The following DAPK1 variants were observed in gnomAD, a reference collection of about 807,000 sequenced individuals.
DAPK1 encodes the protein death-associated protein kinase 1.
In DAPK1, 56 loss-of-function variants were observed where a neutral mutation model predicts 144.9. That is an observed-to-expected ratio of 0.39 (90% CI 0.31 to 0.48). The LOEUF is 0.48. Among genes scored for constraint, DAPK1 ranks in the 20% least tolerant of loss-of-function variants. DAPK1 has a pLI of 0.95. For missense variants in DAPK1, 1,454 were observed against 1,875.4 expected, an observed-to-expected ratio of 0.78 and a Z score of 4.15; for synonymous variants, 690 against 749.0, an observed-to-expected ratio of 0.92 and a Z score of 1.29.
intron 17 of DAPK1, among the ~76,000 whole-genome samples, chr9:87,653,003 G>A (rs1366999798): frequency 4.4e-5 from 6 of 137,548 alleles, no homozygotes; most frequent in Non-Finnish European, 8.0e-5. Flanking sequence ...CCCCGATCCC[G>A]GGTCCTGATT....
At chr9:87,499,228 C>A in intron 2 of DAPK1, 89 bp downstream of exon 2, 1 of 1,160,062 alleles carries the variant, frequency 8.6e-7, no homozygotes, top group Non-Finnish European at 1.3e-6. Flanking sequence ...CAGTTTGAAT[C>A]AGGCGTCTCC....
At position 87,518,093 on chromosome 9, in the gene DAPK1, G is replaced by A. The variant is rs1296394661; in HGVS notation, c.62+18954G>A. Among the ~76,000 whole-genome samples the A allele has an allele frequency of 6.0e-5, 5 of 83,108 alleles. No individual in the cohort carries two copies. The South Asian group carries it at 4.0e-3, about 67-fold the overall frequency. 54.5% of individuals were successfully genotyped at this position (83,108 alleles called of 152,430 possible). A position where few individuals can be genotyped will look rare whatever the true frequency, so the allele number is the denominator to read the frequency against. ...AGTTGTTTGCCCTGGAATATTTGCC[G>A]TTTATGTTGTTGTTTTTTTTTTTTT... On this transcript the variant is annotated intron_variant, in intron 2 of 25. Coordinates refer to ENST00000408954, the MANE Select transcript of DAPK1 (RefSeq NM_004938.4).
chr9:87,581,201 C>T (rs1462122266), intron 2 of DAPK1, among the ~76,000 whole-genome samples: 2 of 152,340 alleles, frequency 1.3e-5, no homozygotes, highest in South Asian at 4.1e-4. Context: ...ATGGACACCT[C>T]TGTTCCTTGG....
intron 2 of DAPK1, among the ~76,000 whole-genome samples, chr9:87,530,315 C>T (rs1825657460): frequency 2.0e-5 from 3 of 152,348 alleles, no homozygotes; most frequent in Admixed American, 2.0e-4. Flanking sequence ...ATCTCAAAGA[C>T]ACTGCCTAAC....
At chr9:87,537,077 C>T (rs1376352531) in intron 2 of DAPK1, among the ~76,000 whole-genome samples, 4 of 151,848 alleles carry the variant, frequency 2.6e-5, no homozygotes, top group Non-Finnish European at 4.4e-5. Context: ...AGCTCTGCCT[C>T]CTGGGTTCAA....
chr9:87,582,036 T>C (rs1345249908), intron 2 of DAPK1, among the ~76,000 whole-genome samples: 2 of 152,160 alleles, frequency 1.3e-5, no homozygotes, highest in Non-Finnish European at 2.9e-5. Flanking sequence ...CCTTCAAATA[T>C]ACCACTTAAA....
chr9:87,698,648 GC>G lies in DAPK1; in HGVS notation c.2612-3del. ...CACCCCCTGAAGCAGTTCCCTCTCT[GC>G]CCCCAGCCTTCGGTGGCAAGCTGAA... On this transcript the variant is annotated splice_polypyrimidine_tract_variant and splice_region_variant and intron_variant, in intron 22 of 25. Transcript: ENST00000408954. 3 of 1,596,888 alleles carry G rather than the reference GC, an allele frequency of 1.9e-6. No individual in the cohort carries two copies. The highest frequency in any genetic ancestry group is 1.1e-5 in the South Asian group (1 of 90,502).
chr9:87,577,438 TC>T (rs1168891115), intron 2 of DAPK1, among the ~76,000 whole-genome samples: 1 of 151,870 alleles, frequency 6.6e-6, no homozygotes, highest in Non-Finnish European at 1.5e-5. Flanking sequence ...AAAGCCAGGG[TC>T]CCCCCCAAGA....
At chr9:87,642,201 C>T (rs1830122539) in intron 10 of DAPK1, 143 bp downstream of exon 10, 2 of 542,556 alleles carry the variant, frequency 3.7e-6, no homozygotes, top group Non-Finnish European at 3.2e-6. Flanking sequence ...TGTTCTGCAC[C>T]ATTACTCTAT....
rs139614959 is a variant in DAPK1, at chr9:87,617,083, C to T, written c.284+11908C>T. Among the ~76,000 whole-genome samples the T allele has an allele frequency of 2.3e-3, 352 of 152,316 alleles. 2 individuals are homozygous for T. Among genetic ancestry groups the T allele is most frequent in the African/African-American group, 8.0e-3 (331 of 41,568 alleles). ...AGCTAAGTAGTTACAACCCAAACTT[C>T]CCGGTGTCCCCCTTCCCCAATGGCA... On this transcript the variant is annotated intron_variant, in intron 3 of 25. Transcript: ENST00000408954.
Position 87,697,126 on chromosome 9 carries a change from C to A in DAPK1, c.2533C>A (p.Pro845Thr). ...IHVVVFSLEE[P>T]YEIQLNQVIF... ...TGTTGTTGTCTTTAGTCTAGAAGAG[C>A]CCTATGAGATCCAGCTGAACCAAGT... Residue 845 changes from proline (P) to threonine (T), a missense_variant, in exon 22 of 26, where the codon CCC becomes ACC. Coordinates refer to ENST00000408954, the MANE Select transcript of DAPK1 (RefSeq NM_004938.4). 6.4e-7 allele frequency: 1 copy of A among 1,565,148 alleles called. No homozygotes were observed. Among genetic ancestry groups the A allele is most frequent in the Non-Finnish European group, 8.8e-7 (1 of 1,135,246 alleles).
In DAPK1 at chr9:87,497,973, C is replaced by T. The variant is rs1211089799; in HGVS notation, c.-243C>T. The T allele has an allele frequency of 7.6e-6, 3 of 397,058 alleles. No individual in the cohort carries two copies. Among genetic ancestry groups the T allele is most frequent in the African/African-American group, 6.2e-5 (3 of 48,582 alleles). The allele number at this position is 397,058 out of a possible 1,614,324, so 24.6% of individuals were successfully genotyped here. ...CAGCGGCAGGGTCTGGGGCCGGCGC[C>T]TGGGAGGGATCTGCGCCCCCCACTC... is the stretch of plus-strand genomic sequence containing the variant. On this transcript the variant is annotated 5_prime_UTR_variant, in exon 1 of 26. Coordinates refer to ENST00000408954, the MANE Select transcript of DAPK1 (RefSeq NM_004938.4).
At chr9:87,542,970 G>A (rs1055942728) in intron 2 of DAPK1, among the ~76,000 whole-genome samples, 14 of 152,162 alleles carry the variant, frequency 9.2e-5, no homozygotes, top group African/African-American at 3.4e-4. Context: ...CCATTAATTA[G>A]CGTACTATAG....
rs143804256 is a variant in DAPK1 at position 87,525,531 on chromosome 9, G to A, written c.62+26392G>A. The stretch of plus-strand genomic sequence containing the variant: ...ATATACTCAATGAAAAACCATGATA[G>A]TTCTTTGTACATAAAATAAACATTT... On this transcript the variant is annotated intron_variant, in intron 2 of 25. Coordinates refer to ENST00000408954, the MANE Select transcript of DAPK1 (RefSeq NM_004938.4). 3.1e-4 allele frequency: 335 copies of A among 1,091,836 alleles called. 1 individual carries two copies. In the East Asian group the frequency reaches 7.7e-3, roughly 25 times the overall value. The allele number at this position is 1,091,836 out of a possible 1,614,324, so 67.6% of individuals were successfully genotyped here.
intron 3 of DAPK1, among the ~76,000 whole-genome samples, chr9:87,634,653 T>C (rs898229253): frequency 2.6e-5 from 4 of 152,314 alleles, no homozygotes; most frequent in African/African-American, 7.2e-5. Flanking sequence ...GATGAGATGC[T>C]GTCAGACCGT....
chr9:87,648,959 TAG>T, intron 15 of DAPK1, 80 bp downstream of exon 15: 1 of 1,253,964 alleles, frequency 8.0e-7, no homozygotes, highest in Non-Finnish European at 1.2e-6. Flanking sequence ...TCGGGGCCTT[TAG>T]AGTTTTATCC....
chr9:87,533,816 C>G (rs1825776197), intron 2 of DAPK1, among the ~76,000 whole-genome samples: 1 of 152,210 alleles, frequency 6.6e-6, no homozygotes, highest in African/African-American at 2.4e-5. Flanking sequence ...GCATATGCCT[C>G]CATGCCCGGC....
chr9:87,554,286 G>T (rs1826617381), intron 2 of DAPK1: 1 of 152,176 alleles, frequency 6.6e-6, no homozygotes, highest in Non-Finnish European at 1.5e-5. Flanking sequence ...TTTCTTGAAT[G>T]CTTTTATACT....
Position 87,686,728 on chromosome 9 carries a change from C to A in DAPK1, c.2402C>A (p.Ala801Asp). ...ACCAAGGCCATCGACATCCAGAACG[C>A]TTATTTGAATGGTATGCCCTGCCTG... ...QSTKAIDIQN[A>D]YLNGVGDFSV... The change falls in exon 21 of 26, where the codon GCT becomes GAT. Residue 801 changes from alanine (A) to aspartate (D), a missense_variant. By Grantham distance (126) the Ala-to-Asp change is moderately radical (BLOSUM62 -2). This residue lies in a region of DAPK1 where 1,025 missense variants were observed against 1,237.9 expected (regional missense o/e 0.83). Transcript: ENST00000408954. The surrounding 1 kb of genome is among the most constrained non-coding windows in gnomAD (Gnocchi z 4.2). The A allele has an allele frequency of 6.2e-7, 1 of 1,611,490 alleles. No homozygotes were observed. Among genetic ancestry groups the A allele is most frequent in the Non-Finnish European group, 8.5e-7 (1 of 1,177,900 alleles).
Sources: gnomAD v4.1 joint callset for allele counts (sites outside exome capture counted in the v4.1 genomes callset) on GRCh38, gnomAD v4.1.1 for gene constraint, gnomAD v4.1.1 regional missense constraint, Gnocchi (gnomAD v3.1) non-coding constraint, MANE v1.5 for transcripts, NCBI Gene and HGNC (gene_info 2026-07-23, HGNC 2026-07-21) for gene names.